PCDHGA1: variants seen among roughly 807,000 people sequenced by gnomAD.
PCDHGA1 encodes the protein protocadherin gamma subfamily A, 1, also known as protocadherin gamma-A1.
In PCDHGA1, 32 loss-of-function variants were observed where a neutral mutation model predicts 58.0. The ratio of observed to expected loss-of-function variants is 0.55; its 90% CI spans 0.42 to 0.74. PCDHGA1 has a LOEUF of 0.74. PCDHGA1 is among the 30% of genes least tolerant of loss of function. The pLI, the probability that PCDHGA1 is intolerant of heterozygous loss-of-function variation, is 0.00. For synonymous variants in PCDHGA1, 498 were observed against 501.1 expected (o/e 0.99, Z 0.08); for missense variants, 1,205 against 1,182.3 (o/e 1.02, Z -0.28).
chr5:141,418,424 G>A lies in PCDHGA1; in HGVS notation c.2422-76383G>A, dbSNP rs1427064246. Reference sequence around the variant, plus strand: ...GGTGGAGAAAGACAATCCTGATGGTGGCAAATATCCAGAATTAGTATTGCA... The same window carrying A: ...GGTGGAGAAAGACAATCCTGATGGTAGCAAATATCCAGAATTAGTATTGCA... On this transcript the variant is annotated intron_variant, in intron 1 of 3. Coordinates refer to ENST00000517417, the MANE Select transcript of PCDHGA1 (RefSeq NM_018912.3). 1 of 1,613,974 alleles carries A rather than the reference G, an allele frequency of 6.2e-7. No individual in the cohort carries two copies. Among genetic ancestry groups the A allele is most frequent in the Non-Finnish European group, 8.5e-7 (1 of 1,179,872 alleles).
rs2096665320 is a variant in PCDHGA1 at position 141,422,696 on chromosome 5, A to G, written c.2422-72111A>G. The G allele has an allele frequency of 3.1e-6, 5 of 1,602,638 alleles. No homozygotes were observed. The highest frequency in any genetic ancestry group is 4.3e-6 in the Non-Finnish European group (5 of 1,174,110). On this transcript the variant is annotated intron_variant, in intron 1 of 3. Coordinates refer to ENST00000517417, the MANE Select transcript of PCDHGA1 (RefSeq NM_018912.3). Reference sequence around the variant, plus strand: ...AGCAAACAGAATGCCCTGGTCACTTACTCTCTGACGGATGACACTGTCCAG... The same window carrying G: ...AGCAAACAGAATGCCCTGGTCACTTGCTCTCTGACGGATGACACTGTCCAG...
At chr5:141,352,411 C>T (rs1254355246) in intron 1 of PCDHGA1, 1 of 1,614,030 alleles carries the variant, frequency 6.2e-7, no homozygotes, top group East Asian at 2.2e-5. Context: ...CCTCCAGCCT[C>T]GACACTGAGG....
intron 1 of PCDHGA1, chr5:141,388,285 C>T (rs773340535): frequency 1.9e-6 from 3 of 1,613,200 alleles, no homozygotes; most frequent in Non-Finnish European, 2.5e-6. Flanking sequence ...CCAAAATTCA[C>T]GCAAAATTCC....
chr5:141,450,826 A>ATTTT (rs764729742), intron 1 of PCDHGA1, among the ~76,000 whole-genome samples: 5 of 134,360 alleles, frequency 3.7e-5, no homozygotes, highest in East Asian at 2.1e-4. Flanking sequence ...TATTATTATT[A>ATTTT]TTATTTTTTT....
chr5:141,422,727 G>A, intron 1 of PCDHGA1: 6 of 1,606,552 alleles, frequency 3.7e-6, no homozygotes, highest in Non-Finnish European at 5.1e-6. Flanking sequence ...TCCAGGGGGT[G>A]CCTCTGTCCT....
chr5:141,418,517 C>G, intron 1 of PCDHGA1: 1 of 1,613,918 alleles, frequency 6.2e-7, no homozygotes. Flanking sequence ...TGGTGGGGAC[C>G]CTCCCCGAAG....
rs116787237 is a variant in PCDHGA1 at position 141,340,575 on chromosome 5, G to A, written c.2421+7470G>A. The A allele has an allele frequency of 5.1e-4, 826 of 1,614,194 alleles. No individual in the cohort carries two copies. The African/African-American group carries it at 9.4e-3, about 18-fold the overall frequency. ...GACTTGCAAGTGTGGGTGATAGCGC[G>A]GGACAGCGGGAACCCTCCACTCAGT... On this transcript the variant is annotated intron_variant, in intron 1 of 3. Coordinates refer to ENST00000517417, the MANE Select transcript of PCDHGA1 (RefSeq NM_018912.3).
intron 1 of PCDHGA1, chr5:141,478,289 G>A (rs1210628852): frequency 1.2e-6 from 2 of 1,614,146 alleles, no homozygotes; most frequent in African/African-American, 2.7e-5. Context: ...GCAGTCTAGA[G>A]ACCTATACCG....
At chr5:141,402,124 A>G (rs150020541) in intron 1 of PCDHGA1, among the ~76,000 whole-genome samples, 1 of 152,254 alleles carries the variant, frequency 6.6e-6, no homozygotes, top group East Asian at 1.9e-4. Flanking sequence ...AAAATTTCCA[A>G]CTTTAATCCT....
At chr5:141,376,255 G>A (rs1380740739) in intron 1 of PCDHGA1, 6 of 1,614,256 alleles carry the variant, frequency 3.7e-6, no homozygotes, top group Non-Finnish European at 3.4e-6. Context: ...AGTCACGCCT[G>A]CTGCAGGCTT....
At chr5:141,393,671 A>G in intron 1 of PCDHGA1, 1 of 1,613,944 alleles carries the variant, frequency 6.2e-7, no homozygotes, top group Non-Finnish European at 8.5e-7. Flanking sequence ...AAATTAATGA[A>G]AAACAAACTC....
rs559433377 is a variant in PCDHGA1, at chr5:141,432,679, G to A, written c.2422-62128G>A. ...TGCTGGACAGAGACGCGCTCAAGCAGAGCCTCGTAGTGGCCGTCCAGGACC... is the reference window on the plus strand; with the variant it reads ...TGCTGGACAGAGACGCGCTCAAGCAAAGCCTCGTAGTGGCCGTCCAGGACC... On this transcript the variant is annotated intron_variant, in intron 1 of 3. Transcript: ENST00000517417. The surrounding 1 kb of genome is among the most constrained non-coding windows in gnomAD (Gnocchi z 6.0). The A allele has an allele frequency of 2.3e-4, 369 of 1,613,834 alleles. 1 individual carries two copies. The highest frequency in any genetic ancestry group is 1.7e-4 in the Middle Eastern group (1 of 6,056).
At chr5:141,444,757 C>T (rs919228537) in intron 1 of PCDHGA1, among the ~76,000 whole-genome samples, 4 of 152,050 alleles carry the variant, frequency 2.6e-5, no homozygotes, top group African/African-American at 9.7e-5. Flanking sequence ...ATATGTAGTT[C>T]TATTTCTATA....
At position 141,356,736 on chromosome 5, in the gene PCDHGA1, G is replaced by A. The variant is rs748701559; in HGVS notation, c.2421+23631G>A. The A allele has an allele frequency of 4.3e-6, 7 of 1,613,970 alleles. No individual in the cohort carries two copies. In the South Asian group the frequency reaches 5.5e-5, roughly 13 times the overall value. ...ATGTCTCCATCAACTCCAATACAGG[G>A]ATCCTATATGCTCTTTGCTCCTTCG... On this transcript the variant is annotated intron_variant, in intron 1 of 3. Transcript: ENST00000517417.
In PCDHGA1 at chr5:141,407,146, T is replaced by C. The variant is rs142297912; in HGVS notation, c.2421+74041T>C. On this transcript the variant is annotated intron_variant, in intron 1 of 3. Transcript: ENST00000517417. ...TGCTTTATTTTTAAGAAAAAAAAGC[T>C]GAAGTGTCTGGGAATCCTTTATGAC... 2.0e-5 allele frequency among the ~76,000 whole-genome samples: 3 copies of C among 152,354 alleles called. No individual in the cohort carries two copies. The East Asian group carries it at 5.8e-4, about 29-fold the overall frequency.
chr5:141,419,763 A>T, intron 1 of PCDHGA1: 1 of 1,614,014 alleles, frequency 6.2e-7, no homozygotes, highest in South Asian at 1.1e-5. Flanking sequence ...TTGGGTGACA[A>T]GGACTCGGTC....
At chr5:141,448,305 A>C (rs910461420) in intron 1 of PCDHGA1, among the ~76,000 whole-genome samples, 1 of 152,092 alleles carries the variant, frequency 6.6e-6, no homozygotes, top group East Asian at 1.9e-4. Context: ...TTAATATCTC[A>C]AGGAATCTTT....
chr5:141,449,622 T>A (rs889336036), intron 1 of PCDHGA1, among the ~76,000 whole-genome samples: 1 of 150,910 alleles, frequency 6.6e-6, no homozygotes, highest in African/African-American at 2.4e-5. Context: ...AAAAGTTTTT[T>A]AAAAAGATGT....
intron 1 of PCDHGA1, chr5:141,390,762 C>T (rs2092226751): frequency 6.0e-6 from 1 of 166,616 alleles, no homozygotes; most frequent in African/African-American, 2.4e-5. Context: ...GTTTTGTTTC[C>T]TGTGTTAACT....
Sources: allele counts gnomAD v4.1 joint callset (sites outside exome capture counted in the v4.1 genomes callset), GRCh38; gene constraint gnomAD v4.1.1; non-coding constraint Gnocchi (gnomAD v3.1); transcripts MANE v1.5; gene names NCBI Gene and HGNC (gene_info 2026-07-23, HGNC 2026-07-21).